Variants in CYFIP1 observed in about 807,000 individuals in gnomAD.
CYFIP1 encodes cytoplasmic FMR1 interacting protein 1.
CYFIP1 carries 58 observed loss-of-function variants against 163.5 expected under a neutral mutation model. The ratio of observed to expected loss-of-function variants is 0.35; its 90% CI spans 0.29 to 0.44. The LOEUF is 0.44. Ranked by LOEUF, CYFIP1 falls within the 20% of genes least tolerant of loss-of-function variation. The pLI is 1.00. For missense variants in CYFIP1, 1,338 were observed against 1,653.8 expected (o/e 0.81, Z 3.31); for synonymous variants, 663 against 660.7 (o/e 1.00, Z -0.05).
chr15:22,916,248 G>A (rs911374424), intron 16 of CYFIP1, among the ~76,000 whole-genome samples: 2 of 152,210 alleles, frequency 1.3e-5, no homozygotes, highest in East Asian at 1.9e-4. Context: ...TTCTGTTCAT[G>A]TCTCAGGGCC....
chr15:22,970,930 G>C (rs758657162), intron 1 of CYFIP1, among the ~76,000 whole-genome samples: 4 of 151,994 alleles, frequency 2.6e-5, no homozygotes, highest in Non-Finnish European at 5.9e-5. Flanking sequence ...CAAAAAATTA[G>C]CTGGGTGTGG....
chr15:22,914,863 ACAG>A lies in CYFIP1; in HGVS notation c.1845_1847del (p.Cys616del). 1 of 1,612,086 alleles carries A rather than the reference ACAG, an allele frequency of 6.2e-7. No homozygotes were observed. The highest frequency in any genetic ancestry group is 8.5e-7 in the Non-Finnish European group (1 of 1,178,990). On this transcript the variant is annotated inframe_deletion, in exon 17 of 31. Coordinates refer to ENST00000617928, the MANE Select transcript of CYFIP1 (RefSeq NM_014608.6). ...CTCGGAACCACAGCTGCGAAAGGTCACAGCACTGCTGCAGCGTTTCTGGGAGGG... is the reference window on the plus strand; with the variant it reads ...CTCGGAACCACAGCTGCGAAAGGTCACACTGCTGCAGCGTTTCTGGGAGGG...
At position 22,868,356 on chromosome 15, in the gene CYFIP1, G is replaced by GTTAA. The variant is rs1277872567; in HGVS notation, c.*1668_*1671dup. ...CAGAGACTCATTTGAACATGCATAG[G>GTTAA]TTAATAAATAATAAATTCTTATTTA... is the stretch of plus-strand genomic sequence containing the variant. On this transcript the variant is annotated 3_prime_UTR_variant, in exon 31 of 31. Transcript: ENST00000617928. 1.4e-5 allele frequency: 2 copies of GTTAA among 147,238 alleles called. No homozygotes were observed. The highest frequency in any genetic ancestry group is 2.5e-5 in the African/African-American group (1 of 40,568). The allele number at this position is 147,238 out of a possible 1,614,324, so 9.1% of individuals were successfully genotyped here. A position where few individuals can be genotyped will look rare whatever the true frequency, so the allele number is the denominator to read the frequency against.
intron 13 of CYFIP1, among the ~76,000 whole-genome samples, chr15:22,923,044 ATG>A (rs2061241877): frequency 6.6e-6 from 1 of 152,142 alleles, no homozygotes; most frequent in East Asian, 1.9e-4. Context: ...GTAAATCATC[ATG>A]ACCTGGGTTA....
At chr15:22,972,524 G>T (rs2063137770) in intron 1 of CYFIP1, among the ~76,000 whole-genome samples, 1 of 152,080 alleles carries the variant, frequency 6.6e-6, no homozygotes, top group Non-Finnish European at 1.5e-5. Context: ...TAAACCAATG[G>T]AACAGAATAG....
chr15:22,959,616 C>T (rs1159740076), intron 1 of CYFIP1, among the ~76,000 whole-genome samples: 1 of 152,228 alleles, frequency 6.6e-6, no homozygotes, highest in African/African-American at 2.4e-5. Flanking sequence ...GCTGGCCATT[C>T]TGGCTGGGGG....
At chr15:22,953,229 G>A (rs551603521) in intron 1 of CYFIP1, among the ~76,000 whole-genome samples, 25 of 152,148 alleles carry the variant, frequency 1.6e-4, no homozygotes, top group African/African-American at 6.0e-4. Context: ...GCCACCTACA[G>A]AGCCAGCGTG....
At chr15:22,959,279 G>GTGCA (rs138573666) in intron 1 of CYFIP1, among the ~76,000 whole-genome samples, 13,102 of 152,270 alleles carry the variant, frequency 0.086, 606 homozygotes, top group Non-Finnish European at 0.098. Context: ...CCCGAATCCA[G>GTGCA]TGCATGTTTA....
chr15:22,883,151 A>C, intron 23 of CYFIP1, 140 bp from the exon 24 acceptor site: 1 of 930,940 alleles, frequency 1.1e-6, no homozygotes, highest in Non-Finnish European at 1.6e-6. Flanking sequence ...TACTGCCCTT[A>C]ACTGGTACAG....
intron 4 of CYFIP1, 62 bp from the exon 5 acceptor site, chr15:22,944,721 G>T: frequency 6.5e-7 from 1 of 1,537,554 alleles, no homozygotes; most frequent in Admixed American, 1.7e-5. Context: ...CAGCCGCTGG[G>T]CTTCTAGAGC....
intron 1 of CYFIP1, among the ~76,000 whole-genome samples, chr15:22,963,783 T>A (rs2062786836): frequency 6.6e-6 from 1 of 152,098 alleles, no homozygotes; most frequent in Non-Finnish European, 1.5e-5. Context: ...GAGGAAGGTT[T>A]TGCCCAGAGT....
intron 1 of CYFIP1, among the ~76,000 whole-genome samples, chr15:22,949,867 C>T (rs934338454): frequency 4.0e-5 from 6 of 151,620 alleles, no homozygotes; most frequent in East Asian, 1.9e-4. Flanking sequence ...TACAGCCAGG[C>T]GCTGCAGTCC....
In CYFIP1 at chr15:22,903,799, A is replaced by G. The variant is rs769808248; in HGVS notation, c.2495T>C (p.Val832Ala). 2 of 1,614,190 alleles carry G rather than the reference A, an allele frequency of 1.2e-6. No individual in the cohort carries two copies. Among genetic ancestry groups the G allele is most frequent in the Non-Finnish European group, 8.5e-7 (1 of 1,180,032 alleles). The change falls in exon 22 of 31, where the codon GTG becomes GCG. Residue 832 changes from valine to alanine, a missense_variant. Transcript: ENST00000617928. ...GGTGATCCTCCCGTAGGGCGCTGAC[A>G]CGTTGTGGTTGGCCTCCCGGAACAT... ...DAMFREANHNVSAPYGRITLH... is the reference protein window; with the variant it reads ...DAMFREANHNASAPYGRITLH...
intron 15 of CYFIP1, 87 bp from the exon 16 acceptor site, chr15:22,916,717 A>G (rs781065634): frequency 5.0e-6 from 8 of 1,614,020 alleles, no homozygotes; most frequent in Non-Finnish European, 6.8e-6. Context: ...TGAGAGAAGG[A>G]CTGCTCCGCT....
chr15:22,878,444 G>A (rs1299023417), intron 26 of CYFIP1, among the ~76,000 whole-genome samples: 1 of 152,066 alleles, frequency 6.6e-6, no homozygotes, highest in Non-Finnish European at 1.5e-5. Context: ...ACGGGAGGAG[G>A]AGCCCTTCAG....
chr15:22,917,754 G>A lies in CYFIP1; in HGVS notation c.1674+34C>T. On this transcript the variant is annotated intron_variant, in intron 15 of 30. Coordinates refer to ENST00000617928, the MANE Select transcript of CYFIP1 (RefSeq NM_014608.6). The surrounding 1 kb of genome is among the most constrained non-coding windows in gnomAD (Gnocchi z 4.2). ...ACAGCTCAGGGTGGGTCCCCCCAGGGAGAGGGTGCAGGCGGGGCTCAAGGG... is the reference window on the plus strand; with the variant it reads ...ACAGCTCAGGGTGGGTCCCCCCAGGAAGAGGGTGCAGGCGGGGCTCAAGGG... 6.6e-7 allele frequency: 1 copy of A among 1,519,064 alleles called. No homozygotes were observed. Among genetic ancestry groups the A allele is most frequent in the East Asian group, 2.4e-5 (1 of 42,472 alleles). The allele number at this position is 1,519,064 out of a possible 1,614,324, so 94.1% of individuals were successfully genotyped here. A position where few individuals can be genotyped will look rare whatever the true frequency, so the allele number is the denominator to read the frequency against.
At chr15:22,888,531 C>T (rs142918169) in intron 23 of CYFIP1, among the ~76,000 whole-genome samples, 1 of 150,166 alleles carries the variant, frequency 6.7e-6, no homozygotes, top group South Asian at 2.1e-4. Flanking sequence ...CAGGAGTTCG[C>T]GACCAGCCTG....
In CYFIP1 at chr15:22,926,018, G is replaced by C; in HGVS notation, c.1323C>G (p.Tyr441Ter). ...CAAACTTCTCCTCGCTGGTGTAGTTGTAGCGCGTGGCACGCTCGTACTCTT... is the reference window on the plus strand; with the variant it reads ...CAAACTTCTCCTCGCTGGTGTAGTTCTAGCGCGTGGCACGCTCGTACTCTT... ...SAEEYERATR[Y>*]NYTSEEKFAL... The change falls in exon 13 of 31, where the codon TAC becomes TAG. Residue 441 changes from tyrosine (Y) to a stop codon, truncating the protein, a stop_gained. Transcript: ENST00000617928. LOFTEE classifies it high-confidence loss of function. The C allele has an allele frequency of 6.2e-7, 1 of 1,613,942 alleles. No individual in the cohort carries two copies. The highest frequency in any genetic ancestry group is 8.5e-7 in the Non-Finnish European group (1 of 1,179,902).
At position 22,903,497 on chromosome 15, in the gene CYFIP1, G is replaced by A. The variant is rs1377659269; in HGVS notation, c.2588+209C>T. 2.0e-5 allele frequency among the ~76,000 whole-genome samples: 3 copies of A among 152,158 alleles called. No individual in the cohort carries two copies. In the East Asian group the frequency reaches 5.8e-4, roughly 29 times the overall value. On this transcript the variant is annotated intron_variant, in intron 22 of 30. Transcript: ENST00000617928. ...AGATGCAGCCCCACGCAAGCCCCAC[G>A]TGCAAAGCCATGACCATCCACCCGA... is the stretch of plus-strand genomic sequence containing the variant.
Sources: gnomAD v4.1 joint callset for allele counts (sites outside exome capture counted in the v4.1 genomes callset) on GRCh38, gnomAD v4.1.1 for gene constraint, Gnocchi (gnomAD v3.1) non-coding constraint, MANE v1.5 for transcripts, NCBI Gene and HGNC (gene_info 2026-07-23, HGNC 2026-07-21) for gene names.